Variants in PAQR5 observed in about 807,000 individuals in gnomAD.
PAQR5 encodes the protein progestin and adipoQ receptor family member 5.
A neutral mutation model predicts 34.5 loss-of-function variants in PAQR5; 20 were observed. The ratio of observed to expected loss-of-function variants is 0.58; its 90% confidence interval spans 0.41 to 0.84. The LOEUF (loss-of-function observed/expected upper bound fraction) is 0.84. Among genes scored for constraint, PAQR5 ranks in the 40% least tolerant of loss-of-function variants. The pLI is 0.00. For synonymous variants in PAQR5, 131 were observed against 155.6 expected, an observed-to-expected ratio of 0.84 and a Z score of 1.18; for missense variants, 378 against 412.7, an observed-to-expected ratio of 0.92 and a Z score of 0.73.
At chr15:69,393,085 G>T (rs1376190982) in intron 6 of PAQR5, among the ~76,000 whole-genome samples, 2 of 152,168 alleles carry the variant, frequency 1.3e-5, no homozygotes, top group African/African-American at 4.8e-5. Context: ...ACTGAAGTGG[G>T]AGCTGAGGGG....
intron 1 of PAQR5, among the ~76,000 whole-genome samples, chr15:69,320,582 A>C (rs779103118): frequency 9.2e-5 from 14 of 152,236 alleles, no homozygotes; most frequent in Non-Finnish European, 2.1e-4. Flanking sequence ...TATTTAAAAA[A>C]TGTAAAACAG....
intron 1 of PAQR5, among the ~76,000 whole-genome samples, chr15:69,335,901 A>G (rs1346754293): frequency 1.3e-5 from 2 of 152,186 alleles, no homozygotes; most frequent in Non-Finnish European, 2.9e-5. Flanking sequence ...TATTTAAAAA[A>G]CTAGCTTTAA....
At position 69,384,900 on chromosome 15, in the gene PAQR5, C is replaced by A; in HGVS notation, c.385+18C>A. On this transcript the variant is annotated intron_variant, in intron 5 of 8. Coordinates refer to ENST00000395407, the MANE Select transcript of PAQR5 (RefSeq NM_017705.4). ...CAGCCTGGGTATGTGAGGCCTTGTT[C>A]TTGCTTTCCTTCCCCTGCAACCGGG... The A allele has an allele frequency of 6.3e-7, 1 of 1,598,368 alleles. No individual in the cohort carries two copies. Among genetic ancestry groups the A allele is most frequent in the Non-Finnish European group, 8.6e-7 (1 of 1,167,392 alleles).
Position 69,329,289 on chromosome 15 carries a change from G to A in PAQR5, c.-276-8052G>A, listed in dbSNP as rs185805939. Among the ~76,000 whole-genome samples the A allele has an allele frequency of 8.4e-4, 128 of 152,104 alleles. 1 individual carries two copies. The highest frequency in any genetic ancestry group is 2.8e-3 in the African/African-American group (117 of 41,472). On this transcript the variant is annotated intron_variant, in intron 1 of 8. Coordinates refer to ENST00000395407, the MANE Select transcript of PAQR5 (RefSeq NM_017705.4). The stretch of plus-strand genomic sequence containing the variant: ...GAGGTCCATCCATGGATTTTCATGG[G>A]CCTCAGGTTAAAAACCCCCATCCTT...
At chr15:69,347,449 TA>T (rs1431689180) in intron 2 of PAQR5, among the ~76,000 whole-genome samples, 10 of 152,198 alleles carry the variant, frequency 6.6e-5, no homozygotes, top group African/African-American at 2.4e-4. Context: ...ATTCTCTTCT[TA>T]AAAGGAAACT....
chr15:69,397,406 G>A lies in PAQR5; in HGVS notation c.513-62G>A, dbSNP rs113410458. On this transcript the variant is annotated intron_variant, in intron 6 of 8. Transcript: ENST00000395407. ...AGGCCCTCGGTGTGCATGCATGTGC[G>A]TATGCAATTTGCTGAGACTCTTTTC... is the stretch of plus-strand genomic sequence containing the variant. 538 of 1,059,790 alleles carry A rather than the reference G, an allele frequency of 5.1e-4. 5 individuals are homozygous for A. The African/African-American group carries it at 6.2e-3, about 12-fold the overall frequency. The allele number at this position is 1,059,790 out of a possible 1,614,324, so 65.6% of individuals were successfully genotyped here. A position where few individuals can be genotyped will look rare whatever the true frequency, so the allele number is the denominator to read the frequency against.
rs2056479450 is a variant in PAQR5 at position 69,397,497 on chromosome 15, G to A, written c.542G>A (p.Cys181Tyr). ...RFLEIQKPRL[C>Y]KVIRVLAFAY... ...CTTGAAATCCAGAAGCCCAGACTCT[G>A]TAAGGTGATTCGTGTCCTCGCCTTT... is the stretch of plus-strand genomic sequence containing the variant. The change falls in exon 7 of 9, where the codon TGT becomes TAT. Residue 181 changes from cysteine (C) to tyrosine (Y), a missense_variant. Coordinates refer to ENST00000395407, the MANE Select transcript of PAQR5 (RefSeq NM_017705.4). 2 of 1,613,756 alleles carry A rather than the reference G, an allele frequency of 1.2e-6. No homozygotes were observed. Among genetic ancestry groups the A allele is most frequent in the Non-Finnish European group, 1.7e-6 (2 of 1,179,718 alleles).
At position 69,375,496 on chromosome 15, in the gene PAQR5, A is replaced by C. The variant is rs79202228; in HGVS notation, c.52-4387A>C. On this transcript the variant is annotated intron_variant, in intron 3 of 8. Coordinates refer to ENST00000395407, the MANE Select transcript of PAQR5 (RefSeq NM_017705.4). ...AGTTCATAATGGCACTTTAACGAAG[A>C]AGAATCTAAGGCTCAGAGAAGTATG... Among the ~76,000 whole-genome samples the C allele has an allele frequency of 9.5e-3, 1,446 of 152,284 alleles. 22 individuals carry two copies. Among genetic ancestry groups the C allele is most frequent in the African/African-American group, 0.032 (1,331 of 41,550 alleles).
chr15:69,401,716 CA>C (rs1243920218), intron 8 of PAQR5, among the ~76,000 whole-genome samples: 1 of 152,210 alleles, frequency 6.6e-6, no homozygotes, highest in Non-Finnish European at 1.5e-5. Flanking sequence ...AGATCATTAA[CA>C]AGATTTGGAA....
intron 4 of PAQR5, among the ~76,000 whole-genome samples, chr15:69,382,277 G>A (rs1313703113): frequency 6.6e-6 from 1 of 152,148 alleles, no homozygotes; most frequent in East Asian, 1.9e-4. Flanking sequence ...ATCCTGCGAG[G>A]AATGGCTGAA....
intron 6 of PAQR5, chr15:69,396,919 T>C: frequency 3.2e-6 from 1 of 314,812 alleles, no homozygotes; most frequent in Non-Finnish European, 6.2e-6. Flanking sequence ...ACTTCACGTT[T>C]ATTTAGTTTT....
intron 1 of PAQR5, among the ~76,000 whole-genome samples, chr15:69,300,876 T>C (rs189311016): frequency 7.9e-5 from 2 of 25,214 alleles, no homozygotes; most frequent in African/African-American, 2.1e-4. Context: ...TTTCTTTCTT[T>C]CTTTCTTTCT....
chr15:69,346,398 T>C (rs1464438918), intron 2 of PAQR5, among the ~76,000 whole-genome samples: 1 of 137,052 alleles, frequency 7.3e-6, no homozygotes, highest in Non-Finnish European at 1.5e-5. Context: ...CTCCACCTCC[T>C]GGGCCCGAGC....
chr15:69,316,417 T>A (rs558070995), intron 1 of PAQR5, among the ~76,000 whole-genome samples: 104 of 148,328 alleles, frequency 7.0e-4, no homozygotes, highest in African/African-American at 2.0e-3. Context: ...CTCAGCCCTT[T>A]AAAAAAAAAA....
chr15:69,348,754 G>A (rs943665137), intron 2 of PAQR5, among the ~76,000 whole-genome samples: 8 of 144,794 alleles, frequency 5.5e-5, no homozygotes, highest in South Asian at 2.1e-4. Context: ...AGGTTTTTCC[G>A]ATCTGATACC....
chr15:69,322,377 AC>A (rs1215251650), intron 1 of PAQR5, among the ~76,000 whole-genome samples: 1 of 149,342 alleles, frequency 6.7e-6, no homozygotes, highest in Non-Finnish European at 1.5e-5. Context: ...AATCCCAGCT[AC>A]TTAGGAGGAT....
intron 5 of PAQR5, among the ~76,000 whole-genome samples, chr15:69,388,398 C>T (rs1289453204): frequency 6.6e-6 from 1 of 152,226 alleles, no homozygotes; most frequent in Non-Finnish European, 1.5e-5. Context: ...AGATCAGCTC[C>T]TGTGCCTTGT....
intron 3 of PAQR5, among the ~76,000 whole-genome samples, chr15:69,372,319 G>A (rs2055585438): frequency 6.6e-6 from 1 of 152,160 alleles, no homozygotes; most frequent in Non-Finnish European, 1.5e-5. Context: ...CAACACAGGT[G>A]GATCACTTGA....
intron 2 of PAQR5, among the ~76,000 whole-genome samples, chr15:69,349,197 G>A (rs954455932): frequency 2.0e-5 from 3 of 152,108 alleles, no homozygotes; most frequent in South Asian, 2.1e-4. Flanking sequence ...CTCTGTCTGC[G>A]GGTAAACTCT....
Sources: gnomAD v4.1 joint callset for allele counts (sites outside exome capture counted in the v4.1 genomes callset) on GRCh38, gnomAD v4.1.1 for gene constraint, MANE v1.5 for transcripts, NCBI Gene and HGNC (gene_info 2026-07-23, HGNC 2026-07-21) for gene names.